Variants in MID1 observed in about 807,000 individuals in gnomAD.
MID1 encodes the protein E3 ubiquitin-protein ligase Midline-1.
Under a neutral mutation model 40.4 loss-of-function variants are expected in MID1, and 7 were observed. That is an observed-to-expected ratio of 0.17 (90% CI 0.10 to 0.33). The LOEUF (loss-of-function observed/expected upper bound fraction) is 0.33. MID1 is among the 10% of genes least tolerant of loss of function. The pLI, the probability that MID1 is intolerant of heterozygous loss-of-function variation, is 1.00. For synonymous variants in MID1, 229 were observed against 221.2 expected, an observed-to-expected ratio of 1.04 and a Z score of -0.31; for missense variants, 367 against 558.5, an observed-to-expected ratio of 0.66 and a Z score of 3.46.
At chrX:10,816,121 T>A (rs1440873246) in intron 1 of MID1, among the ~76,000 whole-genome samples, 1 of 112,073 alleles carries the variant, frequency 8.9e-6, no homozygotes, top group African/African-American at 3.2e-5. Context: ...ACTAAGCCAC[T>A]TTAGAATTAA....
chrX:10,446,025 A>C lies in MID1; in HGVS notation c.*3343T>G, dbSNP rs1452512153. The stretch of plus-strand genomic sequence containing the variant: ...CTTCGTGGTCGGGGGCTGCGCTTGC[A>C]CTGTAGGATGTTTAACGGCGTCCAT... On this transcript the variant is annotated 3_prime_UTR_variant, in exon 10 of 10. Transcript: ENST00000317552. 9.0e-6 allele frequency: 1 copy of C among 111,466 alleles called. No homozygotes were observed. The highest frequency in any genetic ancestry group is 1.9e-5 in the Non-Finnish European group (1 of 53,134). 9.2% of individuals were successfully genotyped at this position (111,466 alleles called of 1,213,427 possible).
intron 1 of MID1, among the ~76,000 whole-genome samples, chrX:10,711,590 G>A (rs2043267895): frequency 8.9e-6 from 1 of 112,119 alleles, no homozygotes; most frequent in Non-Finnish European, 1.9e-5. Context: ...TATTTCAATT[G>A]TGGTTTTCAT....
chrX:10,540,901 A>G (rs1369016858), intron 2 of MID1, among the ~76,000 whole-genome samples: 6 of 112,362 alleles, frequency 5.3e-5, no homozygotes, highest in African/African-American at 1.3e-4. Flanking sequence ...GAGTAGGTGG[A>G]TAACGGTTCC....
intron 3 of MID1, among the ~76,000 whole-genome samples, chrX:10,514,053 G>C (rs1054446023): frequency 9.9e-5 from 11 of 111,338 alleles, no homozygotes; most frequent in Non-Finnish European, 3.8e-5. Context: ...TCAGCCTTTG[G>C]GCCTCCAATT....
intron 1 of MID1, among the ~76,000 whole-genome samples, chrX:10,603,704 G>A (rs2147523663): frequency 9.0e-6 from 1 of 111,182 alleles, no homozygotes; most frequent in South Asian, 3.8e-4. Context: ...GCCAAACAGG[G>A]GTAAAAGCTA....
chrX:10,522,590 G>A (rs776519700), intron 3 of MID1, among the ~76,000 whole-genome samples: 8 of 111,870 alleles, frequency 7.2e-5, no homozygotes, highest in African/African-American at 1.9e-4. Context: ...TCCGCCTCCC[G>A]GGTTCATGCC....
At chrX:10,720,076 A>G (rs1041737252) in intron 1 of MID1, among the ~76,000 whole-genome samples, 1 of 112,043 alleles carries the variant, frequency 8.9e-6, no homozygotes, top group Non-Finnish European at 1.9e-5. Flanking sequence ...TAAATGTTAG[A>G]CCTAACACCA....
intron 3 of MID1, among the ~76,000 whole-genome samples, chrX:10,518,919 C>A (rs2147361850): frequency 8.9e-6 from 1 of 112,113 alleles, no homozygotes; most frequent in Non-Finnish European, 1.9e-5. Context: ...AAAATCATAT[C>A]TGATCTATTA....
chrX:10,592,038 G>C (rs1456109442), intron 1 of MID1, among the ~76,000 whole-genome samples: 3 of 110,221 alleles, frequency 2.7e-5, no homozygotes, highest in Non-Finnish European at 5.7e-5. Flanking sequence ...TCATAACTGA[G>C]ACTTGGGAAC....
At chrX:10,467,926 G>A (rs1285059208) in intron 7 of MID1, among the ~76,000 whole-genome samples, 3 of 111,572 alleles carry the variant, frequency 2.7e-5, no homozygotes, top group Admixed American at 9.5e-5. Context: ...GCCCTGCTAC[G>A]TTACATCTTG....
At chrX:10,589,605 A>T (rs1009244128) in intron 1 of MID1, 1 of 111,151 alleles carries the variant, frequency 9.0e-6, no homozygotes, top group Non-Finnish European at 1.9e-5. Flanking sequence ...AGATGTCTGG[A>T]CTCCAAGTGC....
chrX:10,723,633 G>T (rs1423843370), intron 1 of MID1, among the ~76,000 whole-genome samples: 2 of 112,404 alleles, frequency 1.8e-5, no homozygotes, highest in East Asian at 5.7e-4. Flanking sequence ...CTCACTGCAA[G>T]CTCCGCCTCC....
At chrX:10,565,177 G>A (rs1372465049) in intron 2 of MID1, 24 of 329,389 alleles carry the variant, frequency 7.3e-5, no homozygotes, top group Non-Finnish European at 2.9e-5. Context: ...GCCTGTCAGC[G>A]GCTGTCTTCT....
rs199994429 is a variant in MID1 at position 10,728,186 on chromosome X, CT to C, written c.-187+105367del. On this transcript the variant is annotated intron_variant, in intron 1 of 10. Coordinates refer to the MID1 transcript ENST00000380785. ...TGGATGGATCTTTAAAACTCATCAA[CT>C]TTTCCCCCCCCAGGAAAAAACGTAG... 2.0e-3 allele frequency among the ~76,000 whole-genome samples: 217 copies of C among 110,516 alleles called. 1 individual carries two copies. Among genetic ancestry groups the C allele is most frequent in the African/African-American group, 6.7e-3 (201 of 30,035 alleles).
chrX:10,656,308 G>A (rs771991042), intron 1 of MID1, among the ~76,000 whole-genome samples: 2 of 111,782 alleles, frequency 1.8e-5, no homozygotes, highest in Admixed American at 9.5e-5. Context: ...AGACACTACC[G>A]TTTGTGGATA....
chrX:10,481,265 T>C (rs1229234743), intron 5 of MID1, among the ~76,000 whole-genome samples: 1 of 111,751 alleles, frequency 8.9e-6, no homozygotes, highest in Non-Finnish European at 1.9e-5. Context: ...AAGATCAGCA[T>C]GCATGAGCTC....
chrX:10,509,591 C>T (rs1290158254), intron 3 of MID1, among the ~76,000 whole-genome samples: 1 of 111,560 alleles, frequency 9.0e-6, no homozygotes, highest in Admixed American at 9.5e-5. Context: ...TCCTCTTAGC[C>T]CTACCTGGGT....
chrX:10,825,551 C>T (rs761657890), intron 1 of MID1, among the ~76,000 whole-genome samples: 5 of 111,993 alleles, frequency 4.5e-5, no homozygotes, highest in East Asian at 2.8e-4. Context: ...TGCAAACTCT[C>T]GGGTTACAAT....
At chrX:10,472,800 A>G (rs895484013) in intron 6 of MID1, among the ~76,000 whole-genome samples, 2 of 112,055 alleles carry the variant, frequency 1.8e-5, no homozygotes, top group Admixed American at 1.9e-4. Context: ...AAAAGGCAAC[A>G]CAATGAAGGC....
Sources: allele counts gnomAD v4.1 joint callset (sites outside exome capture counted in the v4.1 genomes callset), GRCh38; gene constraint gnomAD v4.1.1; transcripts MANE v1.5; gene names NCBI Gene and HGNC (gene_info 2026-07-23, HGNC 2026-07-21).